The following LAMA1 variants were observed in gnomAD, a reference collection of about 807,000 sequenced individuals.
LAMA1 encodes the protein laminin subunit alpha-1.
A neutral mutation model predicts 348.7 loss-of-function variants in LAMA1; 219 were observed. That is an observed-to-expected ratio of 0.63 (90% CI 0.56 to 0.70). LAMA1 has a LOEUF of 0.70. Ranked by LOEUF, LAMA1 falls within the 30% of genes least tolerant of loss-of-function variation. The pLI is 0.00. For synonymous variants in LAMA1, 1,487 were observed against 1,491.0 expected, an observed-to-expected ratio of 1.00 and a Z score of 0.06; for missense variants, 3,744 against 3,888.0, an observed-to-expected ratio of 0.96 and a Z score of 0.99.
At position 7,010,673 on chromosome 18, in the gene LAMA1, T is replaced by C. The variant is rs115823055; in HGVS notation, c.3688-288A>G. On this transcript the variant is annotated intron_variant, in intron 25 of 62. Coordinates refer to ENST00000389658, the MANE Select transcript of LAMA1 (RefSeq NM_005559.4). ...TTTTCAAGCTCCTTTAGATTAAAAA[T>C]TTCTCTATCTCCAGGAGCACTGGGT... Among the ~76,000 whole-genome samples, 995 of 152,208 alleles carry C rather than the reference T, an allele frequency of 6.5e-3. 12 individuals are homozygous for C. Among genetic ancestry groups the C allele is most frequent in the African/African-American group, 0.022 (933 of 41,554 alleles).
chr18:7,067,947 G>C (rs1235563772), intron 3 of LAMA1, among the ~76,000 whole-genome samples: 1 of 151,896 alleles, frequency 6.6e-6, no homozygotes. Flanking sequence ...TCTGCCCCCT[G>C]GGTTCAAGCG....
intron 33 of LAMA1, 76 bp downstream of exon 33, chr18:6,997,666 T>C (rs2057787857): frequency 6.7e-7 from 1 of 1,501,626 alleles, no homozygotes; most frequent in Non-Finnish European, 9.3e-7. Context: ...ACACATGGAA[T>C]GACTCCCACC....
At chr18:6,985,958 C>T (rs1033420330) in intron 37 of LAMA1, among the ~76,000 whole-genome samples, 179 bp downstream of exon 37, 2 of 152,096 alleles carry the variant, frequency 1.3e-5, no homozygotes, top group Non-Finnish European at 2.9e-5. Context: ...CGGGGTTTCA[C>T]CATGTTGGCC....
At chr18:7,005,735 G>A (rs995302328) in intron 29 of LAMA1, among the ~76,000 whole-genome samples, 8 of 152,120 alleles carry the variant, frequency 5.3e-5, no homozygotes, top group Admixed American at 1.3e-4. Flanking sequence ...GACAGAGCAA[G>A]CCTCCATCTT....
intron 36 of LAMA1, among the ~76,000 whole-genome samples, chr18:6,989,939 C>A: frequency 6.6e-6 from 1 of 152,208 alleles, no homozygotes; most frequent in East Asian, 1.9e-4. Flanking sequence ...CCCAGGAGTT[C>A]ATGGGACACT....
chr18:6,958,455 T>C (rs2143999338), intron 55 of LAMA1, 22 bp downstream of exon 55: 1 of 1,613,084 alleles, frequency 6.2e-7, no homozygotes, highest in South Asian at 1.1e-5. Flanking sequence ...TGCAAGAACA[T>C]GCAGAGAGCA....
In LAMA1 at chr18:6,993,079, CCTA is replaced by C. The variant is rs148359816; in HGVS notation, c.5009-362_5009-360del. On this transcript the variant is annotated intron_variant, in intron 35 of 62. Coordinates refer to ENST00000389658, the MANE Select transcript of LAMA1 (RefSeq NM_005559.4). Reference sequence around the variant, plus strand: ...CATAAATAAACCACCAATGCTTGATCCTACTTTTTTTATTAAGTATACTTTGTT... The same window carrying C: ...CATAAATAAACCACCAATGCTTGATCCTTTTTTTATTAAGTATACTTTGTT... 3.8e-3 allele frequency among the ~76,000 whole-genome samples: 577 copies of C among 152,292 alleles called. 4 individuals are homozygous for C. The highest frequency in any genetic ancestry group is 6.8e-3 in the Middle Eastern group (2 of 294).
rs369021516 is a variant in LAMA1 at position 7,084,104 on chromosome 18, C to T, written c.62-3647G>A. On this transcript the variant is annotated intron_variant, in intron 1 of 62. Transcript: ENST00000389658. ...AAAAAAAAAAAAAAAAAAAAAGCGGCGGTGGGGCTGTGGGGTTAGAAATGT... is the reference window on the plus strand; with the variant it reads ...AAAAAAAAAAAAAAAAAAAAAGCGGTGGTGGGGCTGTGGGGTTAGAAATGT... Among the ~76,000 whole-genome samples the T allele has an allele frequency of 2.1e-3, 271 of 130,612 alleles. 1 individual carries two copies. Among genetic ancestry groups the T allele is most frequent in the African/African-American group, 7.4e-3 (253 of 34,404 alleles). The allele number at this position is 130,612 out of a possible 152,430, so 85.7% of individuals were successfully genotyped here.
intron 1 of LAMA1, among the ~76,000 whole-genome samples, chr18:7,102,480 T>A (rs891858796): frequency 6.6e-6 from 1 of 152,144 alleles, no homozygotes; most frequent in Non-Finnish European, 1.5e-5. Flanking sequence ...TGCCAACAAG[T>A]CTGCAGTCAC....
rs1385744006 is a variant in LAMA1 at position 7,027,550 on chromosome 18, A to AC, written c.2275-1445_2275-1444insG. Among the ~76,000 whole-genome samples the AC allele has an allele frequency of 1.6e-4, 23 of 148,204 alleles. 1 individual carries two copies. Among genetic ancestry groups the AC allele is most frequent in the African/African-American group, 5.5e-4 (21 of 38,382 alleles). On this transcript the variant is annotated intron_variant, in intron 16 of 62. Coordinates refer to ENST00000389658, the MANE Select transcript of LAMA1 (RefSeq NM_005559.4). ...GACATGAGAAACAACAACAACAACA[A>AC]AAAAAAGCGATCCACAATCAGGGGA...
chr18:6,981,986 T>C (rs1315861895), intron 41 of LAMA1, among the ~76,000 whole-genome samples: 1 of 152,188 alleles, frequency 6.6e-6, no homozygotes, highest in African/African-American at 2.4e-5. Context: ...TCTTGAAACT[T>C]TAGGACAAAC....
chr18:6,990,042 G>C lies in LAMA1; in HGVS notation c.5168+2519C>G, dbSNP rs112480006. ...TGAAGAGTGCTGGGTTTTTTGTTTT[G>C]TTTTGTTTTTGGTGGTTAATCATGT... On this transcript the variant is annotated intron_variant, in intron 36 of 62. Transcript: ENST00000389658. Among the ~76,000 whole-genome samples the C allele has an allele frequency of 3.3e-3, 509 of 152,148 alleles. 1 individual carries two copies. Among genetic ancestry groups the C allele is most frequent in the African/African-American group, 0.012 (489 of 41,500 alleles).
intron 36 of LAMA1, among the ~76,000 whole-genome samples, chr18:6,990,732 C>T (rs117603828): frequency 0.012 from 1,772 of 152,240 alleles, 19 homozygotes; most frequent in Non-Finnish European, 0.02. Context: ...CCCTGAAAGG[C>T]CCTCGATGTC....
At chr18:6,972,495 C>T (rs1431711417) in intron 47 of LAMA1, among the ~76,000 whole-genome samples, 1 of 152,160 alleles carries the variant, frequency 6.6e-6, no homozygotes, top group African/African-American at 2.4e-5. Context: ...ACTGAATTTC[C>T]TGTTCATCAC....
At chr18:7,102,055 G>C (rs1897392641) in intron 1 of LAMA1, among the ~76,000 whole-genome samples, 1 of 151,892 alleles carries the variant, frequency 6.6e-6, no homozygotes, top group South Asian at 2.1e-4. Flanking sequence ...TTTTAATATT[G>C]AATTTGAAAT....
At chr18:6,972,024 A>G in intron 47 of LAMA1, 43 bp from the exon 48 acceptor site, 1 of 1,609,902 alleles carries the variant, frequency 6.2e-7, no homozygotes. Context: ...ATATAAGCTG[A>G]CCAAGCAAAA....
At position 6,991,007 on chromosome 18, in the gene LAMA1, G is replaced by A. The variant is rs555100552; in HGVS notation, c.5168+1554C>T. Among the ~76,000 whole-genome samples, 174 of 152,234 alleles carry A rather than the reference G, an allele frequency of 1.1e-3. 1 individual carries two copies. The highest frequency in any genetic ancestry group is 3.9e-3 in the African/African-American group (164 of 41,554). On this transcript the variant is annotated intron_variant, in intron 36 of 62. Transcript: ENST00000389658. ...TGAGAAGAGAAGCCAGCACTCTCCT[G>A]GCACAGAGGAGGGGCTCCACAGACA...
intron 1 of LAMA1, among the ~76,000 whole-genome samples, chr18:7,098,583 G>C (rs1048109117): frequency 1.3e-4 from 19 of 145,112 alleles, no homozygotes; most frequent in African/African-American, 4.1e-4. Flanking sequence ...CGGCCGCCCC[G>C]TCTGAGAAGT....
chr18:6,966,526 G>A (rs1173057090), intron 48 of LAMA1, among the ~76,000 whole-genome samples: 1 of 152,186 alleles, frequency 6.6e-6, no homozygotes, highest in South Asian at 2.1e-4. Flanking sequence ...AGTATTCATT[G>A]TGGTAAAAAT....
Sources: allele counts gnomAD v4.1 joint callset (sites outside exome capture counted in the v4.1 genomes callset), GRCh38; gene constraint gnomAD v4.1.1; transcripts MANE v1.5; gene names NCBI Gene and HGNC (gene_info 2026-07-23, HGNC 2026-07-21).